Variants in SLC38A8 observed in about 807,000 individuals in gnomAD.
SLC38A8 encodes solute carrier family 38 member 8, also known as amino acid transporter SLC38A8.
SLC38A8 carries 65 observed loss-of-function variants against 46.0 expected under a neutral mutation model. That is an observed-to-expected ratio of 1.41 (90% CI 1.16 to 1.74). SLC38A8 has a LOEUF of 1.74. Among genes scored for constraint, SLC38A8 ranks in the 40% most tolerant of loss-of-function variants. The pLI is 0.00. For missense variants in SLC38A8, 998 were observed against 567.9 expected, an observed-to-expected ratio of 1.76 and a Z score of -7.70; for synonymous variants, 447 against 243.7, an observed-to-expected ratio of 1.83 and a Z score of -7.77.
chr16:84,029,696 C>G (rs951723974), intron 5 of SLC38A8, 145 bp from the exon 6 acceptor site: 2 of 793,206 alleles, frequency 2.5e-6, no homozygotes, highest in South Asian at 1.8e-5. Flanking sequence ...TGTCCGTGAC[C>G]GGGCTTTTGG....
intron 9 of SLC38A8, 23 bp from the exon 10 acceptor site, chr16:84,013,075 C>A (rs780278855): frequency 6.2e-7 from 1 of 1,613,856 alleles, no homozygotes; most frequent in Non-Finnish European, 8.5e-7. Context: ...CAGGGTCACC[C>A]ACAGTTCTTC....
chr16:84,028,537 G>A (rs1250318945), intron 6 of SLC38A8, among the ~76,000 whole-genome samples: 1 of 150,786 alleles, frequency 6.6e-6, no homozygotes, highest in South Asian at 2.1e-4. Context: ...ACTCCAGCCT[G>A]GGCAATAAGA....
In SLC38A8 at chr16:84,016,699, T is replaced by C; in HGVS notation, c.982A>G (p.Ser328Gly). 1 of 1,612,930 alleles carries C rather than the reference T, an allele frequency of 6.2e-7. No individual in the cohort carries two copies. The highest frequency in any genetic ancestry group is 8.5e-7 in the Non-Finnish European group (1 of 1,179,872). ...RSVMQDFWRRSCLGGWGPSAL... is the reference protein window; with the variant it reads ...RSVMQDFWRRGCLGGWGPSAL... ...CTGGGCCCCCATCCCCCCAAGCAGC[T>C]CCTCCTCCAGAAGTCCTGCATCACT... The change falls in exon 9 of 11, where the codon AGC becomes GGC. Residue 328 changes from serine (S) to glycine (G), a missense_variant. By Grantham distance (56) the Ser-to-Gly change is moderately conservative. Transcript: ENST00000299709.
intron 9 of SLC38A8, among the ~76,000 whole-genome samples, 189 bp from the exon 10 acceptor site, chr16:84,013,241 T>C (rs75919326): frequency 0.014 from 2,107 of 152,190 alleles, 62 homozygotes; most frequent in East Asian, 0.068. Context: ...CAGCTCAACA[T>C]GCCCTAATGA....
chr16:84,015,384 G>A (rs376164101), intron 9 of SLC38A8, among the ~76,000 whole-genome samples: 20 of 152,166 alleles, frequency 1.3e-4, no homozygotes, highest in African/African-American at 4.3e-4. Context: ...TCGCAGAAAC[G>A]GTGTTTGCCT....
chr16:84,033,782 CTT>C (rs765253740), intron 3 of SLC38A8, among the ~76,000 whole-genome samples: 1 of 152,154 alleles, frequency 6.6e-6, no homozygotes, highest in East Asian at 1.9e-4. Flanking sequence ...GTGAAAGACT[CTT>C]TTGGTTTCGT....
intron 6 of SLC38A8, among the ~76,000 whole-genome samples, chr16:84,029,263 G>T (rs888585015): frequency 1.3e-5 from 2 of 152,172 alleles, no homozygotes; most frequent in Non-Finnish European, 1.5e-5. Flanking sequence ...AGTGGGGGCT[G>T]GATTCCCAAG....
At chr16:84,033,149 T>C (rs886440765) in intron 4 of SLC38A8, among the ~76,000 whole-genome samples, 179 bp downstream of exon 4, 9 of 152,228 alleles carry the variant, frequency 5.9e-5, no homozygotes, top group African/African-American at 1.4e-4. Flanking sequence ...TTTTCTTCTT[T>C]AGGCTCATCT....
Position 84,009,715 on chromosome 16 carries a change from T to G in SLC38A8, c.*69A>C. ...AGGAAAAGAAATGGCATCGGTCTCCTGGCTGCATACAGCAGCCACGTAGGG... is the reference window on the plus strand; with the variant it reads ...AGGAAAAGAAATGGCATCGGTCTCCGGGCTGCATACAGCAGCCACGTAGGG... On this transcript the variant is annotated 3_prime_UTR_variant, in exon 11 of 11. Transcript: ENST00000299709. 7.4e-7 allele frequency: 1 copy of G among 1,354,402 alleles called. No homozygotes were observed. The highest frequency in any genetic ancestry group is 1.0e-6 in the Non-Finnish European group (1 of 975,042). 83.9% of individuals were successfully genotyped at this position (1,354,402 alleles called of 1,614,324 possible). A position where few individuals can be genotyped will look rare whatever the true frequency, so the allele number is the denominator to read the frequency against.
intron 3 of SLC38A8, among the ~76,000 whole-genome samples, chr16:84,033,823 A>G (rs984976204): frequency 6.6e-5 from 10 of 152,306 alleles, no homozygotes; most frequent in African/African-American, 2.4e-4. Context: ...CTGGAGTCAA[A>G]TGGGGGCCTG....
chr16:84,035,012 G>T (rs900479177), intron 3 of SLC38A8, among the ~76,000 whole-genome samples: 1 of 152,104 alleles, frequency 6.6e-6, no homozygotes, highest in African/African-American at 2.4e-5. Flanking sequence ...TCAGAAGCTT[G>T]GCCTTCCCTA....
At chr16:84,039,175 G>A (rs1349138283) in intron 2 of SLC38A8, among the ~76,000 whole-genome samples, 1 of 152,142 alleles carries the variant, frequency 6.6e-6, no homozygotes, top group African/African-American at 2.4e-5. Flanking sequence ...AAGAGCCTTT[G>A]GAGGGAGCGA....
intron 2 of SLC38A8, among the ~76,000 whole-genome samples, chr16:84,039,011 C>G (rs928671299): frequency 6.6e-6 from 1 of 152,138 alleles, no homozygotes; most frequent in Non-Finnish European, 1.5e-5. Flanking sequence ...AGGGGTTTGC[C>G]TCTATCATTA....
chr16:84,041,274 G>C (rs2085364061), intron 2 of SLC38A8: 1 of 152,290 alleles, frequency 6.6e-6, no homozygotes, highest in Non-Finnish European at 1.5e-5. Context: ...GGGAGTGTGG[G>C]AGTGTCACAC....
chr16:84,012,853 G>C, intron 10 of SLC38A8, 148 bp downstream of exon 10: 1 of 897,410 alleles, frequency 1.1e-6, no homozygotes, highest in Non-Finnish European at 1.7e-6. Context: ...CCTCATACTG[G>C]GTAGACAGAG....
chr16:84,025,323 G>T (rs942556848), intron 6 of SLC38A8, among the ~76,000 whole-genome samples: 1 of 152,116 alleles, frequency 6.6e-6, no homozygotes, highest in South Asian at 2.1e-4. Flanking sequence ...GATCAGCTAG[G>T]TCTTCCCTCC....
At chr16:84,025,449 A>G (rs2085151202) in intron 6 of SLC38A8, among the ~76,000 whole-genome samples, 1 of 152,058 alleles carries the variant, frequency 6.6e-6, no homozygotes, top group African/African-American at 2.4e-5. Flanking sequence ...CCTCTCTCAC[A>G]CAGCCCGTGT....
At chr16:84,014,358 G>C (rs1471313990) in intron 9 of SLC38A8, among the ~76,000 whole-genome samples, 1 of 151,428 alleles carries the variant, frequency 6.6e-6, no homozygotes, top group Non-Finnish European at 1.5e-5. Flanking sequence ...CCAGAACTGA[G>C]GGAGGAGTCG....
chr16:84,032,996 A>G (rs1597273163), intron 4 of SLC38A8, among the ~76,000 whole-genome samples: 1 of 47,664 alleles, frequency 2.1e-5, no homozygotes, highest in African/African-American at 9.9e-5. Flanking sequence ...GTGGGTGTGC[A>G]TGGGGGGGTG....
Sources: allele counts gnomAD v4.1 joint callset (sites outside exome capture counted in the v4.1 genomes callset), GRCh38; gene constraint gnomAD v4.1.1; transcripts MANE v1.5; gene names NCBI Gene and HGNC (gene_info 2026-07-23, HGNC 2026-07-21).